The following GYG1 variants were observed in gnomAD, a reference collection of about 807,000 sequenced individuals.
GYG1 encodes the protein glycogenin-1.
In GYG1, 44 loss-of-function variants were observed where a neutral mutation model predicts 41.9. That is an observed-to-expected ratio of 1.05 (90% CI 0.83 to 1.35). GYG1 has a LOEUF of 1.35. Ranked by LOEUF, GYG1 falls within the 40% of genes most tolerant of loss-of-function variation. The pLI, the probability that GYG1 is intolerant of heterozygous loss-of-function variation, is 0.00. For synonymous variants in GYG1, 141 were observed against 158.1 expected, an observed-to-expected ratio of 0.89 and a Z score of 0.81; for missense variants, 429 against 418.9, an observed-to-expected ratio of 1.02 and a Z score of -0.21.
intron 5 of GYG1, among the ~76,000 whole-genome samples, chr3:149,017,399 C>CT (rs67169823): frequency 0.042 from 6,064 of 144,628 alleles, 178 homozygotes; most frequent in Non-Finnish European, 0.066. Context: ...TGTACTCAAC[C>CT]TTTTTTTTTT....
At chr3:149,003,720 A>G (rs1156319794) in intron 4 of GYG1, among the ~76,000 whole-genome samples, 1 of 152,068 alleles carries the variant, frequency 6.6e-6, no homozygotes, top group Non-Finnish European at 1.5e-5. Context: ...CTCCCAGGTG[A>G]TGCCCATGCT....
At chr3:149,024,905 A>T (rs1252784497) in intron 6 of GYG1, among the ~76,000 whole-genome samples, 1 of 152,246 alleles carries the variant, frequency 6.6e-6, no homozygotes, top group Non-Finnish European at 1.5e-5. Context: ...ATGAGGAACG[A>T]AACTGTTACA....
intron 4 of GYG1, among the ~76,000 whole-genome samples, chr3:149,004,534 G>A (rs1329644793): frequency 6.6e-6 from 1 of 152,198 alleles, no homozygotes; most frequent in Admixed American, 6.5e-5. Flanking sequence ...ATGTTGAACT[G>A]TGCATTTGGG....
At chr3:149,001,915 T>A (rs1713114248) in intron 4 of GYG1, among the ~76,000 whole-genome samples, 1 of 152,204 alleles carries the variant, frequency 6.6e-6, no homozygotes, top group African/African-American at 2.4e-5. Context: ...TTAAGTAATT[T>A]CTCTGAGTAG....
intron 2 of GYG1, among the ~76,000 whole-genome samples, chr3:148,994,729 A>G (rs1364424813): frequency 6.6e-6 from 1 of 152,236 alleles, no homozygotes; most frequent in Admixed American, 6.5e-5. Context: ...ATCCATTGCC[A>G]GTTGATATTT....
chr3:149,006,107 G>A (rs1044205634), intron 4 of GYG1, among the ~76,000 whole-genome samples: 1 of 116,484 alleles, frequency 8.6e-6, no homozygotes, highest in Admixed American at 1.1e-4. Flanking sequence ...TTTTGAGACC[G>A]AGTCTCACTC....
At chr3:149,025,765 A>C in intron 6 of GYG1, among the ~76,000 whole-genome samples, 1 of 152,186 alleles carries the variant, frequency 6.6e-6, no homozygotes, top group Non-Finnish European at 1.5e-5. Flanking sequence ...GACTATGCTT[A>C]AAAGTAGCCA....
At position 148,996,405 on chromosome 3, in the gene GYG1, A is replaced by T. The variant is rs1219171227; in HGVS notation, c.247A>T (p.Thr83Ser). The change falls in exon 3 of 8, where the codon ACG (threonine) becomes TCG (serine). Residue 83 changes from threonine (T) to serine (S), a missense_variant. Thr to Ser is a moderately conservative substitution (Grantham distance 58). Transcript: ENST00000345003. ...TLMKRPELGVTLTKLHCWSLT... is the reference protein window; with the variant it reads ...TLMKRPELGVSLTKLHCWSLT... Reference sequence around the variant, plus strand: ...AATGAAGAGGCCAGAGTTGGGTGTCACGCTGACAAAGCTCCACTGCTGGTC... The same window carrying T: ...AATGAAGAGGCCAGAGTTGGGTGTCTCGCTGACAAAGCTCCACTGCTGGTC... The T allele has an allele frequency of 1.2e-6, 2 of 1,613,650 alleles. No individual in the cohort carries two copies. Among genetic ancestry groups the T allele is most frequent in the African/African-American group, 2.7e-5 (2 of 74,942 alleles).
At chr3:148,997,039 C>G (rs999853616) in intron 4 of GYG1, 135 bp downstream of exon 4, 13 of 709,960 alleles carry the variant, frequency 1.8e-5, no homozygotes, top group Non-Finnish European at 2.5e-5. Flanking sequence ...TTAAGTTGTG[C>G]TCTTCTGGGA....
intron 1 of GYG1, 23 bp from the exon 2 acceptor site, chr3:148,994,119 G>GTTT: frequency 7.0e-7 from 1 of 1,430,384 alleles, no homozygotes; most frequent in Non-Finnish European, 9.6e-7. Context: ...TGTAATGAGT[G>GTTT]TTTTTTTTTT....
At chr3:149,004,654 T>C (rs747295944) in intron 4 of GYG1, among the ~76,000 whole-genome samples, 3 of 152,220 alleles carry the variant, frequency 2.0e-5, no homozygotes, top group Non-Finnish European at 2.9e-5. Flanking sequence ...TGATAAACCT[T>C]TGTAGTCACA....
chr3:148,997,529 G>T (rs1288270631), intron 4 of GYG1, among the ~76,000 whole-genome samples: 1 of 151,568 alleles, frequency 6.6e-6, no homozygotes, highest in Non-Finnish European at 1.5e-5. Context: ...TAATGGTTCT[G>T]TCTGTGATAT....
Position 149,028,097 on chromosome 3 carries a change from G to A in GYG1, c.*1164G>A, listed in dbSNP as rs1714748388. ...CAAGATGACCTTTTAAAACTAAAAT[G>A]AGTGGTCAGAAATGATTCTATGGAA... On this transcript the variant is annotated 3_prime_UTR_variant, in exon 8 of 8. Coordinates refer to ENST00000345003, the MANE Select transcript of GYG1 (RefSeq NM_004130.4). Among the ~76,000 whole-genome samples the A allele has an allele frequency of 6.6e-6, 1 of 152,212 alleles. No homozygotes were observed. Among genetic ancestry groups the A allele is most frequent in the Non-Finnish European group, 1.5e-5 (1 of 68,040 alleles).
chr3:149,026,399 G>A, intron 6 of GYG1, 53 bp from the exon 7 acceptor site: 1 of 1,077,630 alleles, frequency 9.3e-7, no homozygotes, highest in Non-Finnish European at 1.5e-6. Flanking sequence ...TTTATCTTGA[G>A]ACTTGTGTTC....
In GYG1 at chr3:149,026,503, GT is replaced by G; in HGVS notation, c.879+2del. ...TTTCTCTTGTGGCTTCTGTAGAAAG[GT>G]ATGCAGAACTTAAAGATTAACCCTA... On this transcript the variant is annotated splice_donor_variant, in intron 7 of 7. Coordinates refer to ENST00000345003, the MANE Select transcript of GYG1 (RefSeq NM_004130.4). LOFTEE classifies it high-confidence loss of function. 6.3e-7 allele frequency: 1 copy of G among 1,587,566 alleles called. No individual in the cohort carries two copies. Among genetic ancestry groups the G allele is most frequent in the Non-Finnish European group, 8.7e-7 (1 of 1,155,860 alleles).
chr3:149,010,031 A>T (rs1713628514), intron 5 of GYG1, among the ~76,000 whole-genome samples: 2 of 152,212 alleles, frequency 1.3e-5, no homozygotes, highest in Non-Finnish European at 2.9e-5. Context: ...TGGTCTACCC[A>T]ACTGCTCAGT....
At chr3:148,995,916 T>C (rs531697258) in intron 2 of GYG1, among the ~76,000 whole-genome samples, 122 of 152,370 alleles carry the variant, frequency 8.0e-4, no homozygotes, top group Non-Finnish European at 1.7e-3. Flanking sequence ...TAATAAATGC[T>C]GGTTATATTG....
chr3:149,007,621 T>C (rs1306959057), intron 4 of GYG1, among the ~76,000 whole-genome samples: 1 of 152,198 alleles, frequency 6.6e-6, no homozygotes, highest in Non-Finnish European at 1.5e-5. Flanking sequence ...ATCTCTAGAT[T>C]TTTAAAGTCT....
rs901308487 is a variant in GYG1, at chr3:148,994,223, G to A, written c.89G>A (p.Arg30Lys). The change falls in exon 2 of 8, where the codon AGG becomes AAG. Residue 30 changes from arginine (R) to lysine (K), a missense_variant. Coordinates refer to ENST00000345003, the MANE Select transcript of GYG1 (RefSeq NM_004130.4). ...LVLGSSLKQH[R>K]TTRRLVVLAT... ...CTGGGATCATCTCTGAAACAGCACA[G>A]GACCACCAGGAGGCTGGTCGTGCTC... 6.2e-7 allele frequency: 1 copy of A among 1,613,882 alleles called. No homozygotes were observed. Among genetic ancestry groups the A allele is most frequent in the Non-Finnish European group, 8.5e-7 (1 of 1,179,886 alleles).
Sources: gnomAD v4.1 joint callset for allele counts (sites outside exome capture counted in the v4.1 genomes callset) on GRCh38, gnomAD v4.1.1 for gene constraint, MANE v1.5 for transcripts, NCBI Gene and HGNC (gene_info 2026-07-23, HGNC 2026-07-21) for gene names.